The following GLIS3 variants were observed in gnomAD, a reference collection of about 807,000 sequenced individuals.
GLIS3 encodes the protein GLIS family zinc finger 3, also known as zinc finger protein GLIS3.
In GLIS3, 53 loss-of-function variants were observed where a neutral mutation model predicts 78.6. The ratio of observed to expected loss-of-function variants is 0.67; its 90% CI spans 0.54 to 0.85. The LOEUF (loss-of-function observed/expected upper bound fraction) is 0.85. Among genes scored for constraint, GLIS3 ranks in the 40% least tolerant of loss-of-function variants. The pLI is 0.00. For missense variants in GLIS3, 1,703 were observed against 1,231.1 expected (o/e 1.38, Z -5.74); for synonymous variants, 684 against 509.9 (o/e 1.34, Z -4.60).
In GLIS3 at chr9:4,298,048, G is replaced by A. The variant is rs1025178946; in HGVS notation, c.-99+1373C>T. On this transcript the variant is annotated intron_variant, in intron 1 of 10. Coordinates refer to ENST00000381971, the MANE Select transcript of GLIS3 (RefSeq NM_001042413.2). ...CTAACCCTCGGCCCCGTGCGCGAGC[G>A]AGCGAGGGAGCGAACGCAGCGCAAC... Among the ~76,000 whole-genome samples, 5 of 152,140 alleles carry A rather than the reference G, an allele frequency of 3.3e-5. No homozygotes were observed. The East Asian group carries it at 5.8e-4, about 18-fold the overall frequency.
At chr9:4,221,469 C>T (rs566507610) in intron 2 of GLIS3, among the ~76,000 whole-genome samples, 3 of 152,134 alleles carry the variant, frequency 2.0e-5, no homozygotes, top group Non-Finnish European at 2.9e-5. Flanking sequence ...CATGAATTAG[C>T]TGGAAAATAT....
chr9:4,072,789 A>C (rs1275056935), intron 4 of GLIS3, among the ~76,000 whole-genome samples: 1 of 134,222 alleles, frequency 7.5e-6, no homozygotes. Flanking sequence ...GTTGTTGTTT[A>C]GTTTCTTTCT....
intron 4 of GLIS3, among the ~76,000 whole-genome samples, chr9:4,057,572 T>C (rs1300919977): frequency 1.3e-5 from 2 of 151,958 alleles, no homozygotes; most frequent in Non-Finnish European, 2.9e-5. Flanking sequence ...TTATTTGTCC[T>C]TGAAAAAAAA....
At chr9:4,258,569 T>G (rs888594139) in intron 2 of GLIS3, among the ~76,000 whole-genome samples, 2 of 152,214 alleles carry the variant, frequency 1.3e-5, no homozygotes, top group Non-Finnish European at 2.9e-5. Flanking sequence ...ACAAGATTCA[T>G]AATGGGTAAA....
chr9:4,140,725 T>C (rs1833746605), intron 2 of GLIS3, among the ~76,000 whole-genome samples: 1 of 152,254 alleles, frequency 6.6e-6, no homozygotes, highest in Admixed American at 6.5e-5. Context: ...CAGCGAGCTA[T>C]TATTTGTATT....
intron 2 of GLIS3, among the ~76,000 whole-genome samples, chr9:4,255,119 A>T (rs1463145333): frequency 6.6e-6 from 1 of 152,212 alleles, no homozygotes; most frequent in East Asian, 1.9e-4. Flanking sequence ...GATCTGCAAC[A>T]TCATACATCA....
intron 4 of GLIS3, among the ~76,000 whole-genome samples, chr9:4,013,527 C>T (rs979881130): frequency 2.0e-5 from 3 of 152,206 alleles, no homozygotes; most frequent in Non-Finnish European, 2.9e-5. Context: ...TCTGCATACA[C>T]ATCTATACAT....
chr9:3,900,301 TAAAAA>T (rs914608084), intron 6 of GLIS3, among the ~76,000 whole-genome samples: 1 of 149,876 alleles, frequency 6.7e-6, no homozygotes, highest in Non-Finnish European at 1.5e-5. Flanking sequence ...ATCAAAAACT[TAAAAA>T]AAAACAGTAA....
At chr9:3,857,251 G>T (rs989106460) in intron 8 of GLIS3, among the ~76,000 whole-genome samples, 1 of 152,154 alleles carries the variant, frequency 6.6e-6, no homozygotes, top group Non-Finnish European at 1.5e-5. Context: ...TCCTTACACT[G>T]TGTAGAAAGA....
chr9:4,194,688 C>G (rs1416784781), intron 2 of GLIS3, among the ~76,000 whole-genome samples: 2 of 152,180 alleles, frequency 1.3e-5, no homozygotes, highest in Admixed American at 1.3e-4. Context: ...CAGCATCTCG[C>G]TGATAAAAGT....
At chr9:4,398,730 C>G in the GLIS3 span, among the ~76,000 whole-genome samples, 165 of 152,184 alleles carry the variant, frequency 1.1e-3, no homozygotes, top group East Asian at 1.2e-3. Context: ...ACTCTGTCAC[C>G]CAGCTGGAGT....
chr9:4,368,704 T>C, the GLIS3 span, among the ~76,000 whole-genome samples: 1 of 152,160 alleles, frequency 6.6e-6, no homozygotes, highest in Non-Finnish European at 1.5e-5. Flanking sequence ...AATGGATGAC[T>C]TTGACGAAGC....
chr9:3,914,818 C>T (rs1280612292), intron 6 of GLIS3, among the ~76,000 whole-genome samples: 1 of 152,136 alleles, frequency 6.6e-6, no homozygotes, highest in Non-Finnish European at 1.5e-5. Context: ...AGTAAGTGAC[C>T]AGCTGGTAAA....
chr9:4,250,528 A>C lies in GLIS3; in HGVS notation c.388+35510T>G, dbSNP rs1416388479. On this transcript the variant is annotated intron_variant, in intron 2 of 10. Coordinates refer to ENST00000381971, the MANE Select transcript of GLIS3 (RefSeq NM_001042413.2). ...CTCTTTTCTTATTAGTTTTGCTAGCAGTCTATCAGTTTTGTTGATCTTTTC... is the reference window on the plus strand; with the variant it reads ...CTCTTTTCTTATTAGTTTTGCTAGCCGTCTATCAGTTTTGTTGATCTTTTC... 2.0e-5 allele frequency among the ~76,000 whole-genome samples: 3 copies of C among 151,928 alleles called. No homozygotes were observed. In the East Asian group the frequency reaches 5.8e-4, roughly 29 times the overall value.
intron 2 of GLIS3, among the ~76,000 whole-genome samples, chr9:4,189,368 A>G (rs962824922): frequency 2.0e-5 from 3 of 151,996 alleles, no homozygotes; most frequent in Non-Finnish European, 4.4e-5. Context: ...AGAGTTTGTT[A>G]TAATTTCTGT....
At chr9:4,029,532 G>C (rs1462187058) in intron 4 of GLIS3, among the ~76,000 whole-genome samples, 1 of 152,120 alleles carries the variant, frequency 6.6e-6, no homozygotes, top group Non-Finnish European at 1.5e-5. Context: ...CCATTGAATA[G>C]TAGGTCTTAT....
chr9:4,223,684 C>G (rs1821521007), intron 2 of GLIS3, among the ~76,000 whole-genome samples: 2 of 152,210 alleles, frequency 1.3e-5, no homozygotes, highest in Non-Finnish European at 1.5e-5. Flanking sequence ...TAACCTGAAA[C>G]TCCCTTAGGC....
the GLIS3 span, among the ~76,000 whole-genome samples, chr9:4,408,655 A>G: frequency 7.8e-6 from 1 of 128,686 alleles, no homozygotes. Flanking sequence ...TGAACCCGGG[A>G]GGCGGAGCTT....
At chr9:4,201,773 T>C (rs1819418337) in intron 2 of GLIS3, among the ~76,000 whole-genome samples, 1 of 152,206 alleles carries the variant, frequency 6.6e-6, no homozygotes, top group Non-Finnish European at 1.5e-5. Flanking sequence ...CAAAGCAATC[T>C]ACAGATTCAG....
Sources: allele counts gnomAD v4.1 joint callset (sites outside exome capture counted in the v4.1 genomes callset), GRCh38; gene constraint gnomAD v4.1.1; transcripts MANE v1.5; gene names NCBI Gene and HGNC (gene_info 2026-07-23, HGNC 2026-07-21).